Variants in HPSE2 observed in about 807,000 individuals in gnomAD.
The protein encoded by HPSE2 is heparanase 2 (inactive).
A neutral mutation model predicts 60.5 loss-of-function variants in HPSE2; 38 were observed. The observed-to-expected ratio is 0.63, with a 90% CI of 0.48 to 0.82. HPSE2 has a LOEUF of 0.82. Among genes scored for constraint, HPSE2 ranks in the 40% least tolerant of loss-of-function variants. HPSE2 has a pLI of 0.00. For synonymous variants in HPSE2, 295 were observed against 293.2 expected (o/e 1.01, Z -0.06); for missense variants, 713 against 740.4 (o/e 0.96, Z 0.43).
intron 3 of HPSE2, among the ~76,000 whole-genome samples, chr10:98,898,947 G>A (rs1953578757): frequency 6.6e-6 from 1 of 152,130 alleles, no homozygotes. Flanking sequence ...GTATAAAACA[G>A]CAAACTTTGA....
chr10:98,589,588 C>T (rs1589462687), intron 9 of HPSE2, among the ~76,000 whole-genome samples: 1 of 152,212 alleles, frequency 6.6e-6, no homozygotes, highest in African/African-American at 2.4e-5. Flanking sequence ...TCAGCCCTCT[C>T]ATACATGACA....
chr10:99,041,131 C>T (rs1282344543), intron 3 of HPSE2, among the ~76,000 whole-genome samples: 1 of 151,890 alleles, frequency 6.6e-6, no homozygotes, highest in African/African-American at 2.4e-5. Context: ...GCACATTGAT[C>T]TGAAATGTCA....
chr10:98,611,616 C>T (rs184539107), intron 9 of HPSE2, among the ~76,000 whole-genome samples: 1 of 152,332 alleles, frequency 6.6e-6, no homozygotes, highest in African/African-American at 2.4e-5. Flanking sequence ...ATTCCCAGGT[C>T]TGTCTCCATT....
chr10:98,765,545 T>C (rs1285648754), intron 3 of HPSE2, among the ~76,000 whole-genome samples: 1 of 152,104 alleles, frequency 6.6e-6, no homozygotes, highest in Admixed American at 6.5e-5. Context: ...AATGCTCTTA[T>C]TTAAAATGAA....
intron 5 of HPSE2, among the ~76,000 whole-genome samples, chr10:98,699,877 G>A (rs1401778157): frequency 4.2e-5 from 5 of 118,940 alleles, no homozygotes; most frequent in African/African-American, 1.1e-4. Flanking sequence ...AATCATCAGT[G>A]AACTCCCATT....
At chr10:99,013,321 A>T in intron 3 of HPSE2, 1 of 616,838 alleles carries the variant, frequency 1.6e-6, no homozygotes, top group South Asian at 1.5e-5. Context: ...AACATTTTAT[A>T]GAGTTCTCTA....
chr10:99,152,292 C>A (rs1016352269), intron 2 of HPSE2, among the ~76,000 whole-genome samples: 3 of 135,134 alleles, frequency 2.2e-5, no homozygotes, highest in Non-Finnish European at 3.0e-5. Context: ...GCCTGGACAA[C>A]AGAGCGAGAC....
the HPSE2 span, among the ~76,000 whole-genome samples, chr10:99,260,401 G>A: frequency 1.3e-5 from 2 of 152,154 alleles, no homozygotes; most frequent in Non-Finnish European, 2.9e-5. Flanking sequence ...CTCGATTCAT[G>A]AGGAGATCCA....
At chr10:98,577,759 T>C (rs1944682370) in intron 9 of HPSE2, among the ~76,000 whole-genome samples, 1 of 152,190 alleles carries the variant, frequency 6.6e-6, no homozygotes, top group Non-Finnish European at 1.5e-5. Flanking sequence ...GACTCAACTC[T>C]AAAACAGTGC....
At chr10:98,723,873 T>C (rs938465837) in intron 4 of HPSE2, among the ~76,000 whole-genome samples, 1 of 152,172 alleles carries the variant, frequency 6.6e-6, no homozygotes, top group Non-Finnish European at 1.5e-5. Context: ...TTATTAGTCT[T>C]GCTAGCGGTC....
At chr10:98,681,686 T>TC (rs1565074905) in intron 6 of HPSE2, among the ~76,000 whole-genome samples, 1 of 152,160 alleles carries the variant, frequency 6.6e-6, no homozygotes, top group Non-Finnish European at 1.5e-5. Flanking sequence ...TTCTTCATAT[T>TC]CTTAAACCAA....
At chr10:98,874,021 GTGTC>G (rs201183053) in intron 3 of HPSE2, among the ~76,000 whole-genome samples, 3,182 of 152,150 alleles carry the variant, frequency 0.021, 47 homozygotes, top group Middle Eastern at 0.041. Flanking sequence ...CTTTTGAAAA[GTGTC>G]TGTTCATATC....
intron 3 of HPSE2, chr10:99,047,791 C>CA (rs1045124904): frequency 8.5e-6 from 7 of 826,278 alleles, no homozygotes; most frequent in Non-Finnish European, 1.5e-5. Context: ...AGCTTATCTA[C>CA]AAAAAAGCAA....
At chr10:98,537,528 T>C (rs1011085346) in intron 9 of HPSE2, among the ~76,000 whole-genome samples, 2 of 152,226 alleles carry the variant, frequency 1.3e-5, no homozygotes, top group African/African-American at 4.8e-5. Context: ...TACTCTTTGT[T>C]GCATTACTAA....
At chr10:99,061,748 C>A (rs937060652) in intron 3 of HPSE2, among the ~76,000 whole-genome samples, 11 of 152,306 alleles carry the variant, frequency 7.2e-5, no homozygotes, top group Non-Finnish European at 1.3e-4. Context: ...TGAGCTTGGG[C>A]AAATTACTTA....
intron 4 of HPSE2, among the ~76,000 whole-genome samples, chr10:98,725,745 C>T (rs1279635083): frequency 6.6e-6 from 1 of 152,092 alleles, no homozygotes; most frequent in African/African-American, 2.4e-5. Context: ...ACTCATCTGA[C>T]AAAGGGCTAA....
intron 3 of HPSE2, among the ~76,000 whole-genome samples, chr10:99,083,466 G>A (rs1429468521): frequency 6.6e-6 from 1 of 152,180 alleles, no homozygotes; most frequent in African/African-American, 2.4e-5. Context: ...CCAAGTACCT[G>A]AAGTAAATCA....
At chr10:99,044,469 T>G (rs1392109771) in intron 3 of HPSE2, among the ~76,000 whole-genome samples, 1 of 152,142 alleles carries the variant, frequency 6.6e-6, no homozygotes, top group African/African-American at 2.4e-5. Flanking sequence ...AACAACCAGC[T>G]AACGACATAA....
At chr10:98,479,819 T>C (rs1374504306) in intron 11 of HPSE2, among the ~76,000 whole-genome samples, 1 of 152,196 alleles carries the variant, frequency 6.6e-6, no homozygotes, top group African/African-American at 2.4e-5. Context: ...TTTATATTTA[T>C]AGATGTATGC....
Sources: gnomAD v4.1 joint callset for allele counts (sites outside exome capture counted in the v4.1 genomes callset) on GRCh38, gnomAD v4.1.1 for gene constraint, MANE v1.5 for transcripts, NCBI Gene and HGNC (gene_info 2026-07-23, HGNC 2026-07-21) for gene names.